The following TAB2 variants were observed in gnomAD, a reference collection of about 807,000 sequenced individuals.
TAB2 encodes TGF-beta activated kinase 1 (MAP3K7) binding protein 2, also known as TGF-beta-activated kinase 1 and MAP3K7-binding protein 2.
A neutral mutation model predicts 65.0 loss-of-function variants in TAB2; 3 were observed. The observed-to-expected ratio is 0.05, with a 90% CI of 0.02 to 0.12. The LOEUF is 0.12. TAB2 is among the 10% of genes least tolerant of loss of function. The pLI is 1.00. For missense variants in TAB2, 623 were observed against 840.3 expected (o/e 0.74, Z 3.20); for synonymous variants, 298 against 285.1 (o/e 1.05, Z -0.46).
intron 1 of TAB2, among the ~76,000 whole-genome samples, chr6:149,322,238 A>T (rs921114807): frequency 6.6e-6 from 1 of 152,184 alleles, no homozygotes; most frequent in Non-Finnish European, 1.5e-5. Context: ...AAATGAGTAC[A>T]GTGTAATATG....
In TAB2 at chr6:149,399,054, G is replaced by A. The variant is rs767506048; in HGVS notation, c.1859-50G>A. ...AGAAATACTTGTTTTAAAAAGTAAA[G>A]TTGTTTTTGAGCTATAAGCATTGAT... On this transcript the variant is annotated intron_variant, in intron 5 of 6. Coordinates refer to ENST00000637181, the MANE Select transcript of TAB2 (RefSeq NM_001292034.3). 8.2e-6 allele frequency: 12 copies of A among 1,461,246 alleles called. No homozygotes were observed. The African/African-American group carries it at 1.5e-4, about 19-fold the overall frequency. The allele number at this position is 1,461,246 out of a possible 1,614,324, so 90.5% of individuals were successfully genotyped here.
chr6:149,335,644 G>A (rs539834747), intron 1 of TAB2, among the ~76,000 whole-genome samples: 10 of 152,106 alleles, frequency 6.6e-5, no homozygotes, highest in Admixed American at 4.6e-4. Context: ...AAAGTGCTGC[G>A]ATTACAGGTA....
chr6:149,410,636 T>A lies in TAB2; in HGVS notation c.*917T>A, dbSNP rs1018406344. 6.5e-6 allele frequency: 1 copy of A among 152,682 alleles called. No individual in the cohort carries two copies. Among genetic ancestry groups the A allele is most frequent in the African/African-American group, 2.4e-5 (1 of 41,458 alleles). 9.5% of individuals were successfully genotyped at this position (152,682 alleles called of 1,614,324 possible). A position where few individuals can be genotyped will look rare whatever the true frequency, so the allele number is the denominator to read the frequency against. On this transcript the variant is annotated 3_prime_UTR_variant, in exon 7 of 7. Transcript: ENST00000637181. ...ATGTTGTGTGAAGACAGGCAGATGC[T>A]GCACAGTGAATTGCAGATGATATTA...
intron 3 of TAB2, among the ~76,000 whole-genome samples, chr6:149,394,331 C>T (rs1393497032): frequency 1.3e-5 from 2 of 152,020 alleles, no homozygotes; most frequent in Non-Finnish European, 2.9e-5. Flanking sequence ...TTTTTGCATG[C>T]TGTCCACCTT....
At chr6:149,345,404 G>C (rs1328562074) in intron 1 of TAB2, among the ~76,000 whole-genome samples, 1 of 152,048 alleles carries the variant, frequency 6.6e-6, no homozygotes. Flanking sequence ...GACAACACAG[G>C]CTTTGAGTTA....
At chr6:149,377,496 T>G (rs1781444206) in intron 2 of TAB2, among the ~76,000 whole-genome samples, 1 of 152,120 alleles carries the variant, frequency 6.6e-6, no homozygotes, top group African/African-American at 2.4e-5. Flanking sequence ...TGTGAAGGAT[T>G]GAGATGACTG....
intron 1 of TAB2, among the ~76,000 whole-genome samples, chr6:149,364,110 A>G (rs765505015): frequency 6.6e-5 from 10 of 152,128 alleles, no homozygotes; most frequent in African/African-American, 2.2e-4. Context: ...AGTACAGGCT[A>G]TTACCATTTC....
chr6:149,252,061 C>T (rs1446892568), intron 1 of TAB2, among the ~76,000 whole-genome samples: 1 of 151,840 alleles, frequency 6.6e-6, no homozygotes, highest in African/African-American at 2.4e-5. Context: ...TAGAGACTTC[C>T]AGGATAAGCA....
intron 1 of TAB2, among the ~76,000 whole-genome samples, chr6:149,233,005 T>C (rs1777433586): frequency 6.6e-6 from 1 of 152,166 alleles, no homozygotes; most frequent in Non-Finnish European, 1.5e-5. Context: ...CCCACTCCCA[T>C]GCCAGGGCAT....
chr6:149,236,412 A>C (rs1226761219), intron 1 of TAB2, among the ~76,000 whole-genome samples: 1 of 152,146 alleles, frequency 6.6e-6, no homozygotes, highest in African/African-American at 2.4e-5. Context: ...AGCTTTTTCA[A>C]ATTATTTCTG....
upstream of TAB2, among the ~76,000 whole-genome samples, chr6:149,314,763 T>C (rs1779221163): frequency 6.6e-6 from 1 of 152,232 alleles, no homozygotes; most frequent in African/African-American, 2.4e-5. Context: ...ATTTTAATTT[T>C]GTTTAACTAA....
chr6:149,286,896 A>C (rs1778686022), intron 1 of TAB2, among the ~76,000 whole-genome samples: 1 of 152,158 alleles, frequency 6.6e-6, no homozygotes, highest in Admixed American at 6.6e-5. Context: ...TGGGTGGATC[A>C]CCTGAGGTCA....
chr6:149,224,490 ACT>A (rs1777224424), intron 1 of TAB2, among the ~76,000 whole-genome samples: 2 of 152,188 alleles, frequency 1.3e-5, no homozygotes, highest in African/African-American at 4.8e-5. Flanking sequence ...CCTGGGCTGA[ACT>A]CTGAAATGAT....
intron 1 of TAB2, among the ~76,000 whole-genome samples, chr6:149,298,600 C>G (rs906895679): frequency 2.0e-5 from 3 of 152,172 alleles, no homozygotes; most frequent in Non-Finnish European, 4.4e-5. Context: ...GAGAGAGACC[C>G]TGTCTCAACA....
At position 149,376,428 on chromosome 6, in the gene TAB2, A is replaced by C. The variant is rs9498338; in HGVS notation, c.103-1590A>C. Among the ~76,000 whole-genome samples the C allele has an allele frequency of 3.9e-5, 6 of 152,168 alleles. No individual in the cohort carries two copies. The South Asian group carries it at 1.2e-3, about 32-fold the overall frequency. ...AACAATTTGTTCAACAACATTTTCA[A>C]TACAAATATTTAGCTCCAGCCAGAT... On this transcript the variant is annotated intron_variant, in intron 2 of 6. Transcript: ENST00000637181.
chr6:149,380,013 G>T (rs922499626), intron 3 of TAB2: 124 of 447,494 alleles, frequency 2.8e-4, no homozygotes, highest in South Asian at 1.9e-3. Flanking sequence ...GCCAAGATGG[G>T]AGGATCATTT....
intron 1 of TAB2, among the ~76,000 whole-genome samples, chr6:149,331,125 A>G (rs1391282824): frequency 6.6e-6 from 1 of 152,132 alleles, no homozygotes; most frequent in Non-Finnish European, 1.5e-5. Flanking sequence ...TGTAAAATTT[A>G]GAATCTGTAA....
At chr6:149,280,378 T>G (rs1009094081) in intron 1 of TAB2, among the ~76,000 whole-genome samples, 1 of 152,198 alleles carries the variant, frequency 6.6e-6, no homozygotes, top group Non-Finnish European at 1.5e-5. Flanking sequence ...CAGAGTGATC[T>G]TTCTAAGGCA....
At chr6:149,405,223 A>G (rs1253391891) in intron 6 of TAB2, among the ~76,000 whole-genome samples, 1 of 152,246 alleles carries the variant, frequency 6.6e-6, no homozygotes. Context: ...ATACCACCTT[A>G]CAAACTTATT....
Sources: gnomAD v4.1 joint callset for allele counts (sites outside exome capture counted in the v4.1 genomes callset) on GRCh38, gnomAD v4.1.1 for gene constraint, MANE v1.5 for transcripts, NCBI Gene and HGNC (gene_info 2026-07-23, HGNC 2026-07-21) for gene names.